PRRC2B: variants seen among roughly 807,000 people sequenced by gnomAD.
PRRC2B encodes the protein proline rich coiled-coil 2B.
PRRC2B carries 68 observed loss-of-function variants against 242.3 expected under a neutral mutation model. The ratio of observed to expected loss-of-function variants is 0.28; its 90% CI spans 0.23 to 0.34. PRRC2B has a LOEUF of 0.34. PRRC2B is among the 10% of genes least tolerant of loss of function. The pLI, the probability that PRRC2B is intolerant of heterozygous loss-of-function variation, is 1.00. For missense variants in PRRC2B, 2,835 were observed against 2,954.8 expected (o/e 0.96, Z 0.94); for synonymous variants, 1,228 against 1,173.6 (o/e 1.05, Z -0.95).
chr9:131,454,501 T>C (rs1480657426), intron 9 of PRRC2B, among the ~76,000 whole-genome samples: 1 of 152,238 alleles, frequency 6.6e-6, no homozygotes, highest in East Asian at 1.9e-4. Flanking sequence ...GCCCTGCTCT[T>C]ACCAGAAGCC....
rs776028551 is a variant in PRRC2B, at chr9:131,475,442, C to T, written c.3313C>T (p.Arg1105Cys). 5.1e-6 allele frequency: 8 copies of T among 1,580,006 alleles called. No homozygotes were observed. Among genetic ancestry groups the T allele is most frequent in the African/African-American group, 2.7e-5 (2 of 73,648 alleles). ...CCGCAGCATCTACTGCAGCAGTCAG[C>T]GCAGCGGCCGTGGCCGGGGCCTGCG... is the stretch of plus-strand genomic sequence containing the variant. Reference protein sequence around the residue: ...GARSIYCSSQRSGRGRGLREF... With the variant: ...GARSIYCSSQCSGRGRGLREF... The change falls in exon 16 of 32, where the codon CGC (arginine) becomes TGC (cysteine). Residue 1105 changes from arginine (R) to cysteine (C), a missense_variant. Around this residue, in one of 7 missense-constraint regions of PRRC2B, gnomAD observed 1,536 missense variants for 1,483.1 expected, o/e 1.04. Transcript: ENST00000683519.
chr9:131,458,550 G>C (rs1292477026), intron 10 of PRRC2B, among the ~76,000 whole-genome samples: 9 of 151,558 alleles, frequency 5.9e-5, no homozygotes, highest in Non-Finnish European at 5.9e-5. Context: ...TGTTGCCCAG[G>C]CTGGAGTGTA....
rs777243765 is a variant in PRRC2B, at chr9:131,478,612, C to T, written c.4751C>T (p.Ala1584Val). The change falls in exon 18 of 32, where the codon GCC (alanine) becomes GTC (valine). Residue 1584 changes from alanine to valine, a missense_variant. Physicochemically the swap from Ala to Val is moderately conservative, Grantham distance 64 (BLOSUM62 0). Transcript: ENST00000683519. ...LEEERRKKEQ[A>V]VQVPVKGRGL... ...GAAGAGAGAAGAAAGAAGGAGCAGG[C>T]CGTGCAGGTGAGGGGCGGAGGGTGG... 1.3e-6 allele frequency: 2 copies of T among 1,563,224 alleles called. No individual in the cohort carries two copies. The highest frequency in any genetic ancestry group is 1.7e-5 in the Admixed American group (1 of 58,770).
At chr9:131,405,018 T>C (rs938067427) in intron 1 of PRRC2B, among the ~76,000 whole-genome samples, 2 of 152,234 alleles carry the variant, frequency 1.3e-5, no homozygotes, top group Non-Finnish European at 1.5e-5. Context: ...AGCTTATATG[T>C]GTGAGCGTAT....
At chr9:131,420,737 C>T (rs1358889031) in intron 1 of PRRC2B, among the ~76,000 whole-genome samples, 1 of 151,748 alleles carries the variant, frequency 6.6e-6, no homozygotes, top group Non-Finnish European at 1.5e-5. Context: ...TGCACCTCAG[C>T]CTCCCAAAGT....
At chr9:131,376,270 C>T (rs868385984) in intron 1 of PRRC2B, among the ~76,000 whole-genome samples, 1 of 151,084 alleles carries the variant, frequency 6.6e-6, no homozygotes, top group South Asian at 2.1e-4. Flanking sequence ...AGGAGAATTG[C>T]TTGAACCTGG....
intron 1 of PRRC2B, among the ~76,000 whole-genome samples, chr9:131,413,514 CAT>C (rs1837559067): frequency 1.3e-5 from 2 of 152,162 alleles, no homozygotes; most frequent in African/African-American, 4.8e-5. Flanking sequence ...GCATTTCAAA[CAT>C]AGGCATGCAC....
intron 19 of PRRC2B, among the ~76,000 whole-genome samples, chr9:131,480,189 G>A (rs1219091231): frequency 6.6e-6 from 1 of 152,168 alleles, no homozygotes; most frequent in Non-Finnish European, 1.5e-5. Context: ...CTTGACTCAG[G>A]GACTCCAGGG....
rs1838101746 is a variant in PRRC2B at position 131,430,399 on chromosome 9, C to T, written c.115+140C>T. On this transcript the variant is annotated intron_variant, in intron 2 of 31. Transcript: ENST00000683519. ...GGTGTGCATGTAGAATCACTCTCTA[C>T]TTCCTACTTGAGGTATGATTTCAGA... The T allele has an allele frequency of 7.1e-6, 4 of 563,256 alleles. No homozygotes were observed. In the East Asian group the frequency reaches 1.2e-4, roughly 17 times the overall value. The allele number at this position is 563,256 out of a possible 1,614,324, so 34.9% of individuals were successfully genotyped here.
chr9:131,434,465 C>T lies in PRRC2B; in HGVS notation c.293+1671C>T, dbSNP rs187134437. ...ACCCCCGTGTAGTTCTCTGCTGCCCCAGGCCACATCCTCCCACCAAGGTAT... is the reference window on the plus strand; with the variant it reads ...ACCCCCGTGTAGTTCTCTGCTGCCCTAGGCCACATCCTCCCACCAAGGTAT... On this transcript the variant is annotated intron_variant, in intron 3 of 31. Coordinates refer to ENST00000683519, the MANE Select transcript of PRRC2B (RefSeq NM_013318.4). Among the ~76,000 whole-genome samples, 179 of 152,290 alleles carry T rather than the reference C, an allele frequency of 1.2e-3. 1 individual carries two copies. Among genetic ancestry groups the T allele is most frequent in the Non-Finnish European group, 1.9e-3 (130 of 68,018 alleles).
chr9:131,450,285 C>T (rs1412751487), intron 9 of PRRC2B, among the ~76,000 whole-genome samples: 6 of 150,218 alleles, frequency 4.0e-5, no homozygotes, highest in East Asian at 1.9e-4. Flanking sequence ...TTTTTTTTCC[C>T]GAGACAGAGT....
intron 1 of PRRC2B, among the ~76,000 whole-genome samples, chr9:131,396,041 C>T (rs989267667): frequency 6.6e-6 from 1 of 152,184 alleles, no homozygotes; most frequent in African/African-American, 2.4e-5. Context: ...TGGTCCTCAT[C>T]GGGTTACCTT....
intron 19 of PRRC2B, 122 bp from the exon 20 acceptor site, chr9:131,481,604 T>G (rs1588277955): frequency 3.9e-6 from 3 of 763,368 alleles, no homozygotes; most frequent in South Asian, 1.5e-5. Context: ...GGGTGGCGGG[T>G]GCAGGGGAGG....
At chr9:131,411,855 C>T (rs958283058) in intron 1 of PRRC2B, among the ~76,000 whole-genome samples, 5 of 152,126 alleles carry the variant, frequency 3.3e-5, no homozygotes, top group African/African-American at 1.2e-4. Flanking sequence ...GTTCTGTCAC[C>T]CAGGGTGGAG....
chr9:131,465,506 G>T (rs1437866485), intron 12 of PRRC2B, among the ~76,000 whole-genome samples: 2 of 152,118 alleles, frequency 1.3e-5, no homozygotes, highest in African/African-American at 4.8e-5. Flanking sequence ...ACGCGGAGGG[G>T]TGTACAGCAC....
intron 4 of PRRC2B, among the ~76,000 whole-genome samples, chr9:131,437,082 AG>A (rs1838398319): frequency 6.6e-6 from 1 of 152,190 alleles, no homozygotes; most frequent in Non-Finnish European, 1.5e-5. Context: ...CTTGGGTCAC[AG>A]GAAGACAAAA....
intron 1 of PRRC2B, among the ~76,000 whole-genome samples, chr9:131,385,732 CG>C (rs1836817504): frequency 1.3e-5 from 2 of 150,552 alleles, no homozygotes; most frequent in South Asian, 4.2e-4. Context: ...CTCGCCTTGT[CG>C]CCCAGGCTGG....
intron 1 of PRRC2B, chr9:131,373,865 C>G (rs934337470): frequency 6.6e-6 from 1 of 152,284 alleles, no homozygotes; most frequent in African/African-American, 2.4e-5. Context: ...CGAGACCATC[C>G]TGGCTAACAC....
chr9:131,494,367 C>A lies in PRRC2B; in HGVS notation c.6474-38C>A. 8.3e-6 allele frequency: 9 copies of A among 1,090,114 alleles called. No individual in the cohort carries two copies. Among genetic ancestry groups the A allele is most frequent in the Non-Finnish European group, 1.2e-5 (9 of 727,678 alleles). The allele number at this position is 1,090,114 out of a possible 1,614,324, so 67.5% of individuals were successfully genotyped here. ...CTTTGACTCCATTTCTGTGGTGACACGTTGTGTATTCTCAACCCCTGCCTT... is the reference window on the plus strand; with the variant it reads ...CTTTGACTCCATTTCTGTGGTGACAAGTTGTGTATTCTCAACCCCTGCCTT... On this transcript the variant is annotated intron_variant, in intron 30 of 31. Transcript: ENST00000683519. This position sits in a 1 kb window ranked among gnomAD's most constrained non-coding sequence, Gnocchi z 4.3.
Sources: allele counts gnomAD v4.1 joint callset (sites outside exome capture counted in the v4.1 genomes callset), GRCh38; gene constraint gnomAD v4.1.1; regional missense constraint gnomAD v4.1.1; non-coding constraint Gnocchi (gnomAD v3.1); transcripts MANE v1.5; gene names NCBI Gene and HGNC (gene_info 2026-07-23, HGNC 2026-07-21).